KSR2: variants seen among roughly 807,000 people sequenced by gnomAD.
KSR2 encodes kinase suppressor of ras 2.
KSR2 carries 25 observed loss-of-function variants against 107.8 expected under a neutral mutation model. The ratio of observed to expected loss-of-function variants is 0.23; its 90% CI spans 0.17 to 0.32. The LOEUF is 0.32. Ranked by LOEUF, KSR2 falls within the 10% of genes least tolerant of loss-of-function variation. The probability of loss-of-function intolerance (pLI) is 1.00; values close to 1 mark genes in which losing one functional copy is unlikely to be tolerated. For missense variants in KSR2, 887 were observed against 1,268.9 expected, an observed-to-expected ratio of 0.70 and a Z score of 4.57; for synonymous variants, 480 against 507.0, an observed-to-expected ratio of 0.95 and a Z score of 0.71.
In KSR2 at chr12:117,855,619, C is replaced by T. The variant is rs758357000; in HGVS notation, c.322-41G>A. On this transcript the variant is annotated intron_variant, in intron 2 of 19. Transcript: ENST00000339824. ...AGGATTGTCAACCGTGGGGCAGGAA[C>T]AGCATCTCTGCCTCCACGCTGCCCT... 1.6e-5 allele frequency: 25 copies of T among 1,605,314 alleles called. No homozygotes were observed. The African/African-American group carries it at 2.8e-4, about 18-fold the overall frequency.
intron 4 of KSR2, among the ~76,000 whole-genome samples, chr12:117,747,024 C>A (rs939715638): frequency 2.0e-5 from 3 of 152,070 alleles, no homozygotes; most frequent in African/African-American, 7.2e-5. Context: ...GACAGTATGG[C>A]GATTCCTCAA....
At chr12:117,473,313 C>A (rs912786739) in intron 17 of KSR2, among the ~76,000 whole-genome samples, 4 of 152,146 alleles carry the variant, frequency 2.6e-5, no homozygotes, top group African/African-American at 9.7e-5. Flanking sequence ...ACAAAACCTA[C>A]ATTTTAAAAC....
chr12:117,573,964 A>G (rs10507281), intron 7 of KSR2, among the ~76,000 whole-genome samples: 11,746 of 152,288 alleles, frequency 0.077, 676 homozygotes, highest in African/African-American at 0.16. Context: ...CTGAAAAACC[A>G]TCAGCAAAGA....
chr12:117,482,242 C>G (rs1762881175), intron 16 of KSR2, among the ~76,000 whole-genome samples: 1 of 151,932 alleles, frequency 6.6e-6, no homozygotes, highest in Non-Finnish European at 1.5e-5. Flanking sequence ...TTCAGCCAGC[C>G]CAGCCCAGCT....
At chr12:117,965,508 G>A (rs1354550291) in intron 1 of KSR2, among the ~76,000 whole-genome samples, 1 of 152,176 alleles carries the variant, frequency 6.6e-6, no homozygotes, top group Non-Finnish European at 1.5e-5. Flanking sequence ...TGAAGGCCAA[G>A]TCCACCTTGC....
At chr12:117,536,491 T>G (rs1229153757) in intron 10 of KSR2, among the ~76,000 whole-genome samples, 2 of 152,226 alleles carry the variant, frequency 1.3e-5, no homozygotes, top group African/African-American at 2.4e-5. Flanking sequence ...TAGAAGTGCA[T>G]GAGATAAAGT....
At chr12:117,555,843 C>T (rs1162579015) in intron 8 of KSR2, among the ~76,000 whole-genome samples, 1 of 152,194 alleles carries the variant, frequency 6.6e-6, no homozygotes, top group African/African-American at 2.4e-5. Flanking sequence ...CAAATCATAT[C>T]GCCCAAGCCC....
chr12:117,795,411 A>G (rs1890587497), intron 3 of KSR2, among the ~76,000 whole-genome samples: 1 of 152,184 alleles, frequency 6.6e-6, no homozygotes. Flanking sequence ...GGAGCTCAGC[A>G]TGCCAAGTGG....
Position 117,848,834 on chromosome 12 carries a change from A to AACAACAGTGATG in KSR2, c.472+6593_472+6594insCATCACTGTTGT, listed in dbSNP as rs1555249461. On this transcript the variant is annotated intron_variant, in intron 3 of 19. Transcript: ENST00000339824. ...GATGGTGGTGGGTGGTGATGGTGGT[A>AACAACAGTGATG]GTGGTGGTGATGGTGATGATGGTGA... 3.0e-3 allele frequency among the ~76,000 whole-genome samples: 395 copies of AACAACAGTGATG among 133,636 alleles called. 1 individual carries two copies. Among genetic ancestry groups the AACAACAGTGATG allele is most frequent in the Admixed American group, 6.4e-3 (79 of 12,254 alleles). 87.7% of individuals were successfully genotyped at this position (133,636 alleles called of 152,430 possible).
chr12:117,482,826 G>A (rs1872250932), intron 16 of KSR2, among the ~76,000 whole-genome samples: 1 of 152,240 alleles, frequency 6.6e-6, no homozygotes, highest in Admixed American at 6.5e-5. Context: ...GCCACCAGGA[G>A]GGAAGAATTT....
chr12:117,599,181 A>T (rs1880804601), intron 5 of KSR2, among the ~76,000 whole-genome samples: 1 of 152,154 alleles, frequency 6.6e-6, no homozygotes, highest in Admixed American at 6.5e-5. Flanking sequence ...ATGATTTGAC[A>T]CAACTTCAAA....
At chr12:117,560,274 G>A (rs111864075) in intron 7 of KSR2, among the ~76,000 whole-genome samples, 1 of 152,258 alleles carries the variant, frequency 6.6e-6, no homozygotes, top group African/African-American at 2.4e-5. Flanking sequence ...ATGCTCAGGT[G>A]TGAGAACCAC....
At chr12:117,517,319 T>C (rs910243493) in intron 14 of KSR2, among the ~76,000 whole-genome samples, 4 of 152,238 alleles carry the variant, frequency 2.6e-5, no homozygotes, top group Non-Finnish European at 5.9e-5. Context: ...CCTGGATGGA[T>C]ATACACTAAG....
At chr12:117,912,169 G>T (rs573806584) in intron 1 of KSR2, among the ~76,000 whole-genome samples, 1 of 152,296 alleles carries the variant, frequency 6.6e-6, no homozygotes, top group South Asian at 2.1e-4. Flanking sequence ...GAAAGTCCTG[G>T]ATTTCTCAGA....
chr12:117,669,074 C>T (rs1021182844), intron 4 of KSR2, among the ~76,000 whole-genome samples: 2 of 152,158 alleles, frequency 1.3e-5, no homozygotes, highest in Non-Finnish European at 2.9e-5. Flanking sequence ...ATCCTACACA[C>T]GGGCATTGGT....
chr12:117,732,162 T>C (rs1324565671), intron 4 of KSR2, among the ~76,000 whole-genome samples: 1 of 151,900 alleles, frequency 6.6e-6, no homozygotes, highest in African/African-American at 2.4e-5. Flanking sequence ...GGTCGTGAGG[T>C]GGTAACTGCT....
At chr12:117,949,037 C>T (rs916200453) in intron 1 of KSR2, among the ~76,000 whole-genome samples, 5 of 151,916 alleles carry the variant, frequency 3.3e-5, no homozygotes, top group Admixed American at 6.6e-5. Context: ...GAGGTTGCAG[C>T]GAGCTGAGAT....
chr12:117,590,943 C>T (rs1880278190), intron 5 of KSR2, among the ~76,000 whole-genome samples: 1 of 152,230 alleles, frequency 6.6e-6, no homozygotes, highest in Admixed American at 6.5e-5. Context: ...CTGCCACTTA[C>T]ATGGTAGGAA....
Position 117,968,235 on chromosome 12 carries a change from C to T in KSR2, c.21G>A (p.Thr7=), listed in dbSNP as rs756435853. The change falls in exon 1 of 20, where the codon ACG becomes ACA. Residue 7 remains threonine (T), a synonymous_variant. Coordinates refer to ENST00000339824, the MANE Select transcript of KSR2 (RefSeq NM_173598.6). ...TCAGAGGCTGCTGCTCCTCGCTTTT[C>T]GTCATGTTTTCCTCATCCATCGCTT... The part of the protein sequence containing the change: MDEENM[T]KSEEQQPLSL... 2 of 1,457,596 alleles carry T rather than the reference C, an allele frequency of 1.4e-6. No homozygotes were observed. The allele number at this position is 1,457,596 out of a possible 1,614,324, so 90.3% of individuals were successfully genotyped here. A position where few individuals can be genotyped will look rare whatever the true frequency, so the allele number is the denominator to read the frequency against.
Sources: gnomAD v4.1 joint callset for allele counts (sites outside exome capture counted in the v4.1 genomes callset) on GRCh38, gnomAD v4.1.1 for gene constraint, MANE v1.5 for transcripts, NCBI Gene and HGNC (gene_info 2026-07-23, HGNC 2026-07-21) for gene names.